The following SRRM3 variants were observed in gnomAD, a reference collection of about 807,000 sequenced individuals.
SRRM3 encodes the protein serine/arginine repetitive matrix 3, also known as serine/arginine repetitive matrix protein 3.
Under a neutral mutation model 66.2 loss-of-function variants are expected in SRRM3, and 27 were observed. The ratio of observed to expected loss-of-function variants is 0.41; its 90% CI spans 0.30 to 0.56. SRRM3 has a LOEUF of 0.56. SRRM3 is among the 20% of genes least tolerant of loss of function. The pLI is 0.32. For missense variants in SRRM3, 918 were observed against 991.9 expected (o/e 0.93, Z 1.00); for synonymous variants, 391 against 414.9 (o/e 0.94, Z 0.70).
At chr7:76,263,228 T>C (rs952517275) in intron 8 of SRRM3, among the ~76,000 whole-genome samples, 1 of 152,218 alleles carries the variant, frequency 6.6e-6, no homozygotes, top group Non-Finnish European at 1.5e-5. Flanking sequence ...ATGGGGAGAC[T>C]GAAGCCCAAA....
At chr7:76,261,997 TAG>T (rs1362066381) in intron 8 of SRRM3, among the ~76,000 whole-genome samples, 27 of 150,624 alleles carry the variant, frequency 1.8e-4, no homozygotes, top group Non-Finnish European at 2.4e-4. Context: ...TGGCTAGAGG[TAG>T]AGTTTCTCGG....
At position 76,265,359 on chromosome 7, in the gene SRRM3, G is replaced by A. The variant is rs782636737; in HGVS notation, c.726-5G>A. On this transcript the variant is annotated splice_region_variant and splice_polypyrimidine_tract_variant and intron_variant, in intron 9 of 14. Coordinates refer to ENST00000611745, the MANE Select transcript of SRRM3 (RefSeq NM_001110199.3). ...GTACAGGCTGATTTCCCCCATCCAC[G>A]CCAGGCCTCACACAGAGTCCCCAGG... is the stretch of plus-strand genomic sequence containing the variant. 15 of 1,592,502 alleles carry A rather than the reference G, an allele frequency of 9.4e-6. No homozygotes were observed. The highest frequency in any genetic ancestry group is 1.9e-4 in the Middle Eastern group (1 of 5,374).
intron 2 of SRRM3, among the ~76,000 whole-genome samples, chr7:76,243,543 C>T (rs997179285): frequency 1.3e-5 from 2 of 152,192 alleles, no homozygotes; most frequent in African/African-American, 4.8e-5. Flanking sequence ...TCCAGGACGA[C>T]CCCCAGCCCT....
intron 1 of SRRM3, among the ~76,000 whole-genome samples, chr7:76,217,630 G>T (rs1378655101): frequency 6.6e-6 from 1 of 152,100 alleles, no homozygotes; most frequent in Non-Finnish European, 1.5e-5. Context: ...CAGAAGTGGG[G>T]GACCAACCTA....
At chr7:76,227,843 C>T (rs1210573819) in intron 1 of SRRM3, among the ~76,000 whole-genome samples, 3 of 152,220 alleles carry the variant, frequency 2.0e-5, no homozygotes, top group Non-Finnish European at 2.9e-5. Flanking sequence ...ATTCATCCTA[C>T]GACAAACTGC....
chr7:76,265,398 C>T lies in SRRM3; in HGVS notation c.760C>T (p.Arg254Cys), dbSNP rs782368675. The change falls in exon 10 of 15, where the codon CGC (arginine) becomes TGC (cysteine). Residue 254 changes from arginine to cysteine, a missense_variant. Transcript: ENST00000611745. ...HTESPGRRSH[R>C]HSSGSSHSPS... is the part of the protein sequence containing the mutation. ...AGAGTCCCCAGGCCGGAGGTCTCATCGCCATAGCAGTGGCAGCTCCCACAG... is the reference window on the plus strand; with the variant it reads ...AGAGTCCCCAGGCCGGAGGTCTCATTGCCATAGCAGTGGCAGCTCCCACAG... 6.9e-6 allele frequency: 11 copies of T among 1,604,590 alleles called. No individual in the cohort carries two copies. Among genetic ancestry groups the T allele is most frequent in the South Asian group, 2.2e-5 (2 of 89,012 alleles).
In SRRM3 at chr7:76,281,523, C is replaced by T. The variant is rs1272506408; in HGVS notation, c.1091C>T (p.Pro364Leu). The T allele has an allele frequency of 5.0e-6, 6 of 1,190,318 alleles. No homozygotes were observed. The highest frequency in any genetic ancestry group is 5.2e-6 in the Non-Finnish European group (5 of 959,824). 73.7% of individuals were successfully genotyped at this position (1,190,318 alleles called of 1,614,324 possible). A position where few individuals can be genotyped will look rare whatever the true frequency, so the allele number is the denominator to read the frequency against. Residue 364 changes from proline (P) to leucine (L), a missense_variant, in exon 12 of 15, where the codon CCG (proline) becomes CTG (leucine). Pro to Leu is a moderately conservative substitution (Grantham distance 98). Transcript: ENST00000611745. ...PTPPARGKES[P>L]SPRSAPSSQG... Reference sequence around the variant, plus strand: ...CCGCCCGCGCGGGGGAAGGAGAGCCCGAGCCCGCGCTCGGCGCCGTCGTCC... The same window carrying T: ...CCGCCCGCGCGGGGGAAGGAGAGCCTGAGCCCGCGCTCGGCGCCGTCGTCC...
chr7:76,268,239 C>A, intron 11 of SRRM3: 1 of 152,512 alleles, frequency 6.6e-6, no homozygotes. Context: ...GACGTCTCAG[C>A]CTGTCCCCAG....
intron 2 of SRRM3, among the ~76,000 whole-genome samples, chr7:76,240,551 C>T (rs1345740571): frequency 3.5e-5 from 5 of 144,626 alleles, no homozygotes; most frequent in African/African-American, 1.3e-4. Context: ...ACCCGGGAGG[C>T]GGAGCTTGCA....
At chr7:76,247,043 A>T (rs1801460402) in intron 2 of SRRM3, among the ~76,000 whole-genome samples, 1 of 152,198 alleles carries the variant, frequency 6.6e-6, no homozygotes, top group Non-Finnish European at 1.5e-5. Flanking sequence ...GGGCTGCATG[A>T]TCAAAGACCT....
chr7:76,234,291 C>T (rs1801086174), intron 1 of SRRM3, among the ~76,000 whole-genome samples: 1 of 151,994 alleles, frequency 6.6e-6, no homozygotes, highest in Non-Finnish European at 1.5e-5. Flanking sequence ...TTGACTCCCA[C>T]CCCACCCCGA....
At chr7:76,207,791 C>T (rs532559004) in intron 1 of SRRM3, among the ~76,000 whole-genome samples, 31 of 152,206 alleles carry the variant, frequency 2.0e-4, no homozygotes, top group African/African-American at 6.7e-4. Flanking sequence ...GTGGGAGGAT[C>T]GCTTGAGCTC....
At chr7:76,248,396 T>A (rs1259184989) in intron 3 of SRRM3, 107 bp downstream of exon 3, 2 of 727,512 alleles carry the variant, frequency 2.7e-6, no homozygotes, top group African/African-American at 3.5e-5. Flanking sequence ...GGGGCTCAGG[T>A]GAGGGGGTGG....
chr7:76,245,721 A>C (rs1554606095), intron 2 of SRRM3, among the ~76,000 whole-genome samples: 1 of 152,142 alleles, frequency 6.6e-6, no homozygotes, highest in Non-Finnish European at 1.5e-5. Flanking sequence ...TTTGAGACGG[A>C]GTCTCGCTCT....
chr7:76,218,801 C>T (rs1417037564), intron 1 of SRRM3, among the ~76,000 whole-genome samples: 1 of 149,410 alleles, frequency 6.7e-6, no homozygotes, highest in African/African-American at 2.5e-5. Context: ...GCCTCAGCTT[C>T]CCAAGTAGCT....
chr7:76,281,937 G>A, intron 12 of SRRM3, 135 bp downstream of exon 12: 1 of 557,758 alleles, frequency 1.8e-6, no homozygotes, highest in Non-Finnish European at 2.3e-6. Flanking sequence ...CTCCCACCGA[G>A]CTACCCCCAT....
At position 76,281,585 on chromosome 7, in the gene SRRM3, A is replaced by AGGCGGC. The variant is rs1165004777; in HGVS notation, c.1167_1172dup (p.Arg394_Arg395dup). 33 of 981,996 alleles carry AGGCGGC rather than the reference A, an allele frequency of 3.4e-5. No homozygotes were observed. Among genetic ancestry groups the AGGCGGC allele is most frequent in the Middle Eastern group, 5.2e-4 (1 of 1,940 alleles). 60.8% of individuals were successfully genotyped at this position (981,996 alleles called of 1,614,324 possible). ...AGGCCGCGCGGCGGGCGGGGCGGGC[A>AGGCGGC]GGCGGCGGCGGCGGCGGCGTAGGCG... is the stretch of plus-strand genomic sequence containing the variant. On this transcript the variant is annotated inframe_insertion, in exon 12 of 15. Coordinates refer to ENST00000611745, the MANE Select transcript of SRRM3 (RefSeq NM_001110199.3).
chr7:76,282,790 C>T lies in SRRM3; in HGVS notation c.1513C>T (p.Pro505Ser). 1 of 1,466,348 alleles carries T rather than the reference C, an allele frequency of 6.8e-7. No homozygotes were observed. 90.8% of individuals were successfully genotyped at this position (1,466,348 alleles called of 1,614,324 possible). A position where few individuals can be genotyped will look rare whatever the true frequency, so the allele number is the denominator to read the frequency against. The change falls in exon 13 of 15, where the codon CCC (proline) becomes TCC (serine). Residue 505 changes from proline to serine, a missense_variant. Physicochemically the swap from Pro to Ser is moderately conservative, Grantham distance 74. Coordinates refer to ENST00000611745, the MANE Select transcript of SRRM3 (RefSeq NM_001110199.3). ...HPRSWSSSRS[P>S]SKSRSRSAEK... ...CCGCTCCTGGAGCTCCAGCCGCTCG[C>T]CCTCCAAATCTCGCTCGCGCTCTGC... is the stretch of plus-strand genomic sequence containing the variant.
At chr7:76,221,910 C>G (rs1463315397) in intron 1 of SRRM3, among the ~76,000 whole-genome samples, 1 of 152,220 alleles carries the variant, frequency 6.6e-6, no homozygotes, top group Non-Finnish European at 1.5e-5. Flanking sequence ...TTATCGCCTA[C>G]CCAGGCACTG....
Sources: gnomAD v4.1 joint callset for allele counts (sites outside exome capture counted in the v4.1 genomes callset) on GRCh38, gnomAD v4.1.1 for gene constraint, MANE v1.5 for transcripts, NCBI Gene and HGNC (gene_info 2026-07-23, HGNC 2026-07-21) for gene names.